The following ZNF528 variants were observed in gnomAD, a reference collection of about 807,000 sequenced individuals.
ZNF528 encodes the protein zinc finger protein 528.
A neutral mutation model predicts 13.3 loss-of-function variants in ZNF528; 9 were observed. The ratio of observed to expected loss-of-function variants is 0.67; its 90% CI spans 0.41 to 1.18. ZNF528 has a LOEUF of 1.18. Among genes scored for constraint, ZNF528 ranks in the 50% most tolerant of loss-of-function variants. The pLI is 0.01. For missense variants in ZNF528, 858 were observed against 745.4 expected (o/e 1.15, Z -1.76); for synonymous variants, 264 against 254.3 (o/e 1.04, Z -0.36).
chr19:52,417,201 C>T lies in ZNF528; in HGVS notation c.*462C>T, dbSNP rs1479064846. ...GTGACTTCGAAATCTTTTCATGTGC[C>T]TTCCATACAGGCCATTCACTGTGGT... On this transcript the variant is annotated 3_prime_UTR_variant, in exon 7 of 7. Coordinates refer to ENST00000360465, the MANE Select transcript of ZNF528 (RefSeq NM_032423.3). The T allele has an allele frequency of 7.3e-6, 2 of 275,800 alleles. No homozygotes were observed. Among genetic ancestry groups the T allele is most frequent in the South Asian group, 3.7e-5 (1 of 26,980 alleles). 17.1% of individuals were successfully genotyped at this position (275,800 alleles called of 1,614,324 possible).
Position 52,416,892 on chromosome 19 carries a change from CTG to C in ZNF528, c.*156_*157del, listed in dbSNP as rs1453794297. On this transcript the variant is annotated 3_prime_UTR_variant, in exon 7 of 7. Transcript: ENST00000360465. ...CAAATCACTGGACATCACCACATCA[CTG>C]TGGAGGATGAAAGCACACAGATGAA... 2.7e-6 allele frequency: 2 copies of C among 727,566 alleles called. No homozygotes were observed. Among genetic ancestry groups the C allele is most frequent in the South Asian group, 2.1e-5 (1 of 46,926 alleles). 45.1% of individuals were successfully genotyped at this position (727,566 alleles called of 1,614,324 possible).
At position 52,416,509 on chromosome 19, in the gene ZNF528, A is replaced by T. The variant is rs772840812; in HGVS notation, c.1657A>T (p.Lys553Ter). Residue 553 changes from lysine to a stop codon, truncating the protein, a stop_gained, in exon 7 of 7, where the codon AAA becomes TAA. Transcript: ENST00000360465. LOFTEE classifies it low-confidence loss of function (END_TRUNC). ...HTGERPYRCS[K>*]CGKAFRGCSG... ...TGGAGAGAGGCCTTACAGATGTAGT[A>T]AATGTGGCAAAGCATTTCGAGGGTG... The T allele has an allele frequency of 1.2e-5, 19 of 1,614,042 alleles. No homozygotes were observed. Among genetic ancestry groups the T allele is most frequent in the Admixed American group, 1.7e-5 (1 of 60,002 alleles).
chr19:52,415,745 A>T lies in ZNF528; in HGVS notation c.893A>T (p.Lys298Ile). ...QRIHTGEKPYKCHECDKVFNQ... is the reference protein window; with the variant it reads ...QRIHTGEKPYICHECDKVFNQ... ...ATTCATACTGGAGAGAAGCCTTACA[A>T]ATGTCATGAATGTGACAAGGTCTTC... The change falls in exon 7 of 7, where the codon AAA (lysine) becomes ATA (isoleucine). Residue 298 changes from lysine (K) to isoleucine (I), a missense_variant. Lys to Ile is a moderately radical substitution (Grantham distance 102). Coordinates refer to ENST00000360465, the MANE Select transcript of ZNF528 (RefSeq NM_032423.3). The T allele has an allele frequency of 6.2e-7, 1 of 1,614,068 alleles. No individual in the cohort carries two copies. Among genetic ancestry groups the T allele is most frequent in the Non-Finnish European group, 8.5e-7 (1 of 1,180,008 alleles).
At position 52,415,223 on chromosome 19, in the gene ZNF528, A is replaced by G; in HGVS notation, c.371A>G (p.Gln124Arg). The G allele has an allele frequency of 1.2e-6, 2 of 1,614,104 alleles. No individual in the cohort carries two copies. Among genetic ancestry groups the G allele is most frequent in the East Asian group, 4.5e-5 (2 of 44,876 alleles). The change falls in exon 7 of 7, where the codon CAA (glutamine) becomes CGA (arginine). Residue 124 changes from glutamine to arginine, a missense_variant. Transcript: ENST00000360465. ...QLHLSDLQLF[Q>R]AERKISGCKH... ...CATCTGAGTGATCTACAGCTATTTC[A>G]AGCTGAAAGGAAAATTTCTGGGTGT...
intron 2 of ZNF528, among the ~76,000 whole-genome samples, chr19:52,401,474 G>A (rs1158896130): frequency 1.3e-5 from 2 of 152,114 alleles, no homozygotes; most frequent in African/African-American, 4.8e-5. Context: ...TATTTGAAGA[G>A]CTCAGCCCTG....
chr19:52,413,177 G>A (rs1371063457), intron 6 of ZNF528: 1 of 152,204 alleles, frequency 6.6e-6, no homozygotes, highest in Non-Finnish European at 1.5e-5. Flanking sequence ...AGCAGCCTGT[G>A]AACGCTGCTG....
Position 52,416,263 on chromosome 19 carries a change from G to A in ZNF528, c.1411G>A (p.Gly471Ser). ...GAAACCTTATGAATGTAAAGAATGT[G>A]GCAAAGTCTTCAGGTACAAGTCTTC... ...GEKPYECKEC[G>S]KVFRYKSSLT... The change falls in exon 7 of 7, where the codon GGC becomes AGC. Residue 471 changes from glycine to serine, a missense_variant. Transcript: ENST00000360465. 6.2e-7 allele frequency: 1 copy of A among 1,614,020 alleles called. No individual in the cohort carries two copies. Among genetic ancestry groups the A allele is most frequent in the South Asian group, 1.1e-5 (1 of 91,070 alleles).
intron 2 of ZNF528, 21 bp from the exon 3 acceptor site, chr19:52,401,664 T>TGC (rs1383921356): frequency 1.2e-5 from 8 of 682,064 alleles, no homozygotes; most frequent in Non-Finnish European, 1.5e-5. Flanking sequence ...AAGAATTGCT[T>TGC]TTTTTTTTTT....
chr19:52,406,491 A>G (rs2058857713), intron 5 of ZNF528, 24 bp from the exon 6 acceptor site: 2 of 1,610,938 alleles, frequency 1.2e-6, no homozygotes, highest in Non-Finnish European at 1.7e-6. Flanking sequence ...CACAGCACAC[A>G]TTTATTCTTT....
At position 52,416,465 on chromosome 19, in the gene ZNF528, G is replaced by A; in HGVS notation, c.1613G>A (p.Arg538Lys). Reference protein sequence around the residue: ...KVFNQASYLTRHQIIHTGERP... With the variant: ...KVFNQASYLTKHQIIHTGERP... ...TTTAATCAAGCATCATACCTTACAAGACATCAAATAATTCATACTGGAGAG... is the reference window on the plus strand; with the variant it reads ...TTTAATCAAGCATCATACCTTACAAAACATCAAATAATTCATACTGGAGAG... The change falls in exon 7 of 7, where the codon AGA becomes AAA. Residue 538 changes from arginine (R) to lysine (K), a missense_variant. Physicochemically the swap from Arg to Lys is conservative, Grantham distance 26. Transcript: ENST00000360465. The A allele has an allele frequency of 6.2e-7, 1 of 1,614,092 alleles. No homozygotes were observed. The highest frequency in any genetic ancestry group is 8.5e-7 in the Non-Finnish European group (1 of 1,180,026).
chr19:52,415,551 A>AATGC lies in ZNF528; in HGVS notation c.702_705dup (p.Thr236AlafsTer11), dbSNP rs2058989257. Reference sequence around the variant, plus strand: ...GTTCAAAGCTTGTGATACATCGAAGAATGCATACTGGAGAGAAGCCTTACA... The same window carrying AATGC: ...GTTCAAAGCTTGTGATACATCGAAGAATGCATGCATACTGGAGAGAAGCCTTACA... On this transcript the variant is annotated frameshift_variant, in exon 7 of 7. Transcript: ENST00000360465. LOFTEE classifies it low-confidence loss of function (END_TRUNC). The AATGC allele has an allele frequency of 6.2e-7, 1 of 1,614,070 alleles. No homozygotes were observed. The highest frequency in any genetic ancestry group is 1.3e-5 in the African/African-American group (1 of 74,920).
rs1233084142 is a variant in ZNF528 at position 52,416,570 on chromosome 19, A to C, written c.1718A>C (p.Glu573Ala). The stretch of plus-strand genomic sequence containing the variant: ...ACTGCCCATCTTGCAATCCATACTG[A>C]AAAGAAATCTCATGAGTGTAAAGAA... Reference protein sequence around the residue: ...GLTAHLAIHTEKKSHECKECG... With the variant: ...GLTAHLAIHTAKKSHECKECG... The change falls in exon 7 of 7, where the codon GAA becomes GCA. Residue 573 changes from glutamate to alanine, a missense_variant. Physicochemically the swap from Glu to Ala is moderately radical, Grantham distance 107. Coordinates refer to ENST00000360465, the MANE Select transcript of ZNF528 (RefSeq NM_032423.3). 6.2e-7 allele frequency: 1 copy of C among 1,614,134 alleles called. No homozygotes were observed. Among genetic ancestry groups the C allele is most frequent in the Non-Finnish European group, 8.5e-7 (1 of 1,180,030 alleles).
In ZNF528 at chr19:52,416,259, A is replaced by G. The variant is rs572419173; in HGVS notation, c.1407A>G (p.Glu469=). 6.4e-5 allele frequency: 104 copies of G among 1,614,098 alleles called. 2 individuals are homozygous for G. The South Asian group carries it at 1.1e-3, about 17-fold the overall frequency. ...HSGEKPYECK[E]CGKVFRYKSS... Reference sequence around the variant, plus strand: ...GAGAGAAACCTTATGAATGTAAAGAATGTGGCAAAGTCTTCAGGTACAAGT... The same window carrying G: ...GAGAGAAACCTTATGAATGTAAAGAGTGTGGCAAAGTCTTCAGGTACAAGT... Residue 469 remains glutamate, a synonymous_variant, in exon 7 of 7, where the codon GAA becomes GAG. Coordinates refer to ENST00000360465, the MANE Select transcript of ZNF528 (RefSeq NM_032423.3).
At position 52,416,686 on chromosome 19, in the gene ZNF528, A is replaced by G. The variant is rs140563818; in HGVS notation, c.1834A>G (p.Lys612Glu). The change falls in exon 7 of 7, where the codon AAG becomes GAG. Residue 612 changes from lysine to glutamate, a missense_variant. By Grantham distance (56) the Lys-to-Glu change is moderately conservative (BLOSUM62 1). Coordinates refer to ENST00000360465, the MANE Select transcript of ZNF528 (RefSeq NM_032423.3). ...EKPYKCTLCS[K>E]VFSHNSDLAQ... The stretch of plus-strand genomic sequence containing the variant: ...ACCTTACAAATGCACCCTGTGCAGT[A>G]AGGTCTTCAGTCACAATTCTGACCT... 7 of 1,612,316 alleles carry G rather than the reference A, an allele frequency of 4.3e-6. No homozygotes were observed. Among genetic ancestry groups the G allele is most frequent in the Non-Finnish European group, 5.1e-6 (6 of 1,178,522 alleles).
Position 52,415,329 on chromosome 19 carries a change from T to G in ZNF528, c.477T>G (p.Leu159=), listed in dbSNP as rs750972115. 1.6e-5 allele frequency: 26 copies of G among 1,611,808 alleles called. No homozygotes were observed. Among genetic ancestry groups the G allele is most frequent in the Non-Finnish European group, 2.0e-5 (24 of 1,179,426 alleles). The change falls in exon 7 of 7, where the codon CTT becomes CTG. Residue 159 remains leucine (L), a synonymous_variant. Transcript: ENST00000360465. The stretch of plus-strand genomic sequence containing the variant: ...TTTCTTCCAGTGTCAAATCCCACCT[T>G]TTAAATAAATATAGAAATAATTTTG... The part of the protein sequence containing the change: ...EKISSSVKSH[L]LNKYRNNFDH...
chr19:52,402,289 C>T (rs1458836061), intron 4 of ZNF528: 5 of 601,920 alleles, frequency 8.3e-6, no homozygotes, highest in African/African-American at 3.7e-5. Flanking sequence ...GTGTGGGTCC[C>T]GTGGTGGCAG....
In ZNF528 at chr19:52,417,144, T is replaced by G; in HGVS notation, c.*405T>G. 4.2e-6 allele frequency: 1 copy of G among 239,842 alleles called. No homozygotes were observed. The highest frequency in any genetic ancestry group is 8.3e-6 in the Non-Finnish European group (1 of 120,866). The allele number at this position is 239,842 out of a possible 1,614,324, so 14.9% of individuals were successfully genotyped here. ...TCAGGCTATAAAGCATTCAATTATT[T>G]GGGGCTTATAGAAAAGGCTACTTTA... is the stretch of plus-strand genomic sequence containing the variant. On this transcript the variant is annotated 3_prime_UTR_variant, in exon 7 of 7. Coordinates refer to ENST00000360465, the MANE Select transcript of ZNF528 (RefSeq NM_032423.3).
Position 52,416,690 on chromosome 19 carries a change from T to G in ZNF528, c.1838T>G (p.Val613Gly). The G allele has an allele frequency of 6.2e-7, 1 of 1,611,446 alleles. No individual in the cohort carries two copies. The highest frequency in any genetic ancestry group is 8.5e-7 in the Non-Finnish European group (1 of 1,177,682). ...KPYKCTLCSK[V>G]FSHNSDLAQH... ...TACAAATGCACCCTGTGCAGTAAGG[T>G]CTTCAGTCACAATTCTGACCTTGCA... Residue 613 changes from valine (V) to glycine (G), a missense_variant, in exon 7 of 7, where the codon GTC (valine) becomes GGC (glycine). By Grantham distance (109) the Val-to-Gly change is moderately radical. Coordinates refer to ENST00000360465, the MANE Select transcript of ZNF528 (RefSeq NM_032423.3).
chr19:52,416,677 C>A lies in ZNF528; in HGVS notation c.1825C>A (p.Leu609Met). ...TGGAGAGAAACCTTACAAATGCACCCTGTGCAGTAAGGTCTTCAGTCACAA... is the reference window on the plus strand; with the variant it reads ...TGGAGAGAAACCTTACAAATGCACCATGTGCAGTAAGGTCTTCAGTCACAA... The part of the protein sequence containing the change: ...HIGEKPYKCT[L>M]CSKVFSHNSD... The change falls in exon 7 of 7, where the codon CTG (leucine) becomes ATG (methionine). Residue 609 changes from leucine (L) to methionine (M), a missense_variant. Physicochemically the swap from Leu to Met is conservative, Grantham distance 15. Coordinates refer to ENST00000360465, the MANE Select transcript of ZNF528 (RefSeq NM_032423.3). 6.2e-7 allele frequency: 1 copy of A among 1,613,554 alleles called. No individual in the cohort carries two copies. Among genetic ancestry groups the A allele is most frequent in the Non-Finnish European group, 8.5e-7 (1 of 1,179,468 alleles).
Sources: gnomAD v4.1 joint callset for allele counts (sites outside exome capture counted in the v4.1 genomes callset) on GRCh38, gnomAD v4.1.1 for gene constraint, MANE v1.5 for transcripts, NCBI Gene and HGNC (gene_info 2026-07-23, HGNC 2026-07-21) for gene names.